NLRP4: variants seen among roughly 807,000 people sequenced by gnomAD.
NLRP4 encodes NACHT, LRR and PYD domains-containing protein 4.
Under a neutral mutation model 84.7 loss-of-function variants are expected in NLRP4, and 44 were observed. The observed-to-expected ratio is 0.52, with a 90% confidence interval of 0.41 to 0.67. NLRP4 has a LOEUF of 0.67. Ranked by LOEUF, NLRP4 falls within the 30% of genes least tolerant of loss-of-function variation. The pLI, the probability that NLRP4 is intolerant of heterozygous loss-of-function variation, is 0.00. For synonymous variants in NLRP4, 544 were observed against 476.4 expected (o/e 1.14, Z -1.85); for missense variants, 1,260 against 1,219.4 (o/e 1.03, Z -0.50).
At chr19:55,838,232 G>A (rs1195564537) in intron 1 of NLRP4, among the ~76,000 whole-genome samples, 1 of 151,742 alleles carries the variant, frequency 6.6e-6, no homozygotes. Context: ...AACCTGGGAG[G>A]CAGAGGTTGC....
In NLRP4 at chr19:55,858,723, C is replaced by T. The variant is rs200534448; in HGVS notation, c.1330C>T (p.Arg444Cys). The T allele has an allele frequency of 2.6e-5, 42 of 1,613,946 alleles. No individual in the cohort carries two copies. The highest frequency in any genetic ancestry group is 4.5e-5 in the East Asian group (2 of 44,880). Residue 444 changes from arginine (R) to cysteine (C), a missense_variant, in exon 3 of 10, where the codon CGT becomes TGT. Arg to Cys is a radical substitution (Grantham distance 180, BLOSUM62 -3). Around this residue, in one of 3 missense-constraint regions of NLRP4, gnomAD observed 712 missense variants for 669.2 expected, o/e 1.06. Coordinates refer to ENST00000301295, the MANE Select transcript of NLRP4 (RefSeq NM_134444.5). This position sits in a 1 kb window ranked among gnomAD's most constrained non-coding sequence, Gnocchi z 4.2. ...GTKILLKYGE[R>C]ESSYVFLHVC... The stretch of plus-strand genomic sequence containing the variant: ...CAAGATACTTCTGAAGTACGGGGAG[C>T]GTGAGAGCTCCTACGTGTTCCTCCA...
chr19:55,870,856 G>C lies in NLRP4; in HGVS notation c.2384G>C (p.Cys795Ser), dbSNP rs1243017434. The C allele has an allele frequency of 1.2e-6, 2 of 1,614,022 alleles. No homozygotes were observed. The highest frequency in any genetic ancestry group is 1.3e-5 in the African/African-American group (1 of 74,934). Residue 795 changes from cysteine (C) to serine (S), a missense_variant, in exon 7 of 10, where the codon TGC becomes TCC. Cys to Ser is a moderately radical substitution (Grantham distance 112). Coordinates refer to ENST00000301295, the MANE Select transcript of NLRP4 (RefSeq NM_134444.5). ...GCTTTCTGCCACCTCAGCGAGCAGT[G>C]CTGCGAATACATCTCTGAAATGCTT... ...MLAFCHLSEQ[C>S]CEYISEMLLR... is the part of the protein sequence containing the mutation.
chr19:55,859,906 GAC>G (rs1984657467), intron 3 of NLRP4, among the ~76,000 whole-genome samples: 1 of 111,136 alleles, frequency 9.0e-6, no homozygotes, highest in Non-Finnish European at 1.7e-5. Flanking sequence ...CAGGCTGGGT[GAC>G]AGTGAGACTC....
At chr19:55,876,927 G>A (rs531348019) in intron 7 of NLRP4, 69 bp from the exon 8 acceptor site, 18 of 1,310,158 alleles carry the variant, frequency 1.4e-5, no homozygotes, top group South Asian at 5.8e-5. Flanking sequence ...TCGTGCTTTG[G>A]TGTCTCTTTT....
intron 1 of NLRP4, among the ~76,000 whole-genome samples, chr19:55,845,072 A>T (rs1273202927): frequency 2.0e-5 from 3 of 151,920 alleles, no homozygotes; most frequent in South Asian, 2.1e-4. Flanking sequence ...CATGTGCACA[A>T]CGTGCAGGTT....
At chr19:55,853,158 G>A (rs141737315) in intron 2 of NLRP4, among the ~76,000 whole-genome samples, 2 of 152,304 alleles carry the variant, frequency 1.3e-5, no homozygotes, top group East Asian at 3.9e-4. Flanking sequence ...TTGCACATTT[G>A]CGTTATCAAT....
Position 55,862,170 on chromosome 19 carries a change from GTTTA to G in NLRP4, c.2186+14_2186+17del, listed in dbSNP as rs1423043038. The G allele has an allele frequency of 1.3e-6, 2 of 1,598,710 alleles. No homozygotes were observed. The highest frequency in any genetic ancestry group is 3.4e-5 in the Admixed American group (2 of 58,930). ...CGTCAAAGAGCTAGCGTAAGTCTCC[GTTTA>G]TTGAGACCACTGATTGGGTTTCAGA... On this transcript the variant is annotated intron_variant, in intron 5 of 9. Coordinates refer to ENST00000301295, the MANE Select transcript of NLRP4 (RefSeq NM_134444.5).
At chr19:55,860,377 C>T (rs1419092967) in intron 3 of NLRP4, among the ~76,000 whole-genome samples, 1 of 152,168 alleles carries the variant, frequency 6.6e-6, no homozygotes, top group Non-Finnish European at 1.5e-5. Context: ...GGGGCTAAGA[C>T]CAGCCTGGGA....
chr19:55,837,629 C>A (rs758193116), intron 1 of NLRP4, among the ~76,000 whole-genome samples: 1 of 152,028 alleles, frequency 6.6e-6, no homozygotes, highest in Non-Finnish European at 1.5e-5. Flanking sequence ...CACACAAAGT[C>A]CTAACCCCTT....
chr19:55,857,738 T>C lies in NLRP4; in HGVS notation c.345T>C (p.Ser115=), dbSNP rs1480432859. ...TCAGCCGCTTATGGTCCAGCAAGTC[T>C]GTCACTGAGATTCACCTATACTTTG... ...QKFSRLWSSK[S]VTEIHLYFEE... is the part of the protein sequence containing the mutation. The change falls in exon 3 of 10, where the codon TCT becomes TCC. Residue 115 remains serine, a synonymous_variant. Transcript: ENST00000301295. 6.2e-7 allele frequency: 1 copy of C among 1,613,870 alleles called. No individual in the cohort carries two copies. The highest frequency in any genetic ancestry group is 8.5e-7 in the Non-Finnish European group (1 of 1,179,752).
chr19:55,877,127 G>A lies in NLRP4; in HGVS notation c.2657G>A (p.Arg886Gln), dbSNP rs757456098. ...GATGTGGGTGTGCAGCTGTTGTGTC[G>A]GGCTCTGACGCATACGGATTGCCGC... Reference protein sequence around the residue: ...IGDVGVQLLCRALTHTDCRLE... With the variant: ...IGDVGVQLLCQALTHTDCRLE... The change falls in exon 8 of 10, where the codon CGG becomes CAG. Residue 886 changes from arginine (R) to glutamine (Q), a missense_variant. Coordinates refer to ENST00000301295, the MANE Select transcript of NLRP4 (RefSeq NM_134444.5). 8.1e-6 allele frequency: 13 copies of A among 1,613,888 alleles called. No individual in the cohort carries two copies. Among genetic ancestry groups the A allele is most frequent in the East Asian group, 4.5e-5 (2 of 44,890 alleles).
At chr19:55,842,801 C>G (rs922721986) in intron 1 of NLRP4, among the ~76,000 whole-genome samples, 1 of 151,646 alleles carries the variant, frequency 6.6e-6, no homozygotes, top group Non-Finnish European at 1.5e-5. Flanking sequence ...GCTCTGTCAC[C>G]CAGGCTGGAG....
At position 55,881,620 on chromosome 19, in the gene NLRP4, T is replaced by C; in HGVS notation, c.*33T>C. 1 of 1,027,362 alleles carries C rather than the reference T, an allele frequency of 9.7e-7. No homozygotes were observed. The highest frequency in any genetic ancestry group is 2.4e-5 in the East Asian group (1 of 42,124). The allele number at this position is 1,027,362 out of a possible 1,614,324, so 63.6% of individuals were successfully genotyped here. A position where few individuals can be genotyped will look rare whatever the true frequency, so the allele number is the denominator to read the frequency against. On this transcript the variant is annotated 3_prime_UTR_variant, in exon 10 of 10. Transcript: ENST00000301295. ...GAACCTGGGCTCTGACTCGAACACC[T>C]GCAAAGGACAGGGACTGGGACCGTT...
At chr19:55,837,935 C>G (rs140263018) in intron 1 of NLRP4, among the ~76,000 whole-genome samples, 2,761 of 151,532 alleles carry the variant, frequency 0.018, 88 homozygotes, top group African/African-American at 0.064. Context: ...ACTCAGGAGG[C>G]TGAGGCAGGA....
intron 3 of NLRP4, among the ~76,000 whole-genome samples, chr19:55,859,951 A>AC (rs1568666251): frequency 3.5e-4 from 26 of 74,512 alleles, no homozygotes; most frequent in Non-Finnish European, 7.2e-4. Context: ...AAAAAAAAAA[A>AC]ACAAAACACA....
At chr19:55,873,535 T>A (rs894879609) in intron 7 of NLRP4, among the ~76,000 whole-genome samples, 5 of 152,186 alleles carry the variant, frequency 3.3e-5, no homozygotes, top group African/African-American at 1.2e-4. Context: ...TATAAGTTAC[T>A]TATTAAAACG....
At chr19:55,879,104 A>C in intron 9 of NLRP4, 140 bp downstream of exon 9, 1 of 632,928 alleles carries the variant, frequency 1.6e-6, no homozygotes, top group South Asian at 2.1e-5. Flanking sequence ...AGTAAGAACC[A>C]AGCAGGTGAG....
chr19:55,870,067 C>T (rs538992302), intron 6 of NLRP4, among the ~76,000 whole-genome samples: 1 of 151,554 alleles, frequency 6.6e-6, no homozygotes, highest in Admixed American at 6.6e-5. Context: ...CACTGCACTC[C>T]AGCCTAGGTG....
intron 8 of NLRP4, among the ~76,000 whole-genome samples, chr19:55,878,229 T>C (rs1343392770): frequency 1.3e-5 from 2 of 151,958 alleles, no homozygotes; most frequent in African/African-American, 4.8e-5. Context: ...ATCATGCCAC[T>C]GCACTTCAGC....
Sources: gnomAD v4.1 joint callset for allele counts (sites outside exome capture counted in the v4.1 genomes callset) on GRCh38, gnomAD v4.1.1 for gene constraint, gnomAD v4.1.1 regional missense constraint, Gnocchi (gnomAD v3.1) non-coding constraint, MANE v1.5 for transcripts, NCBI Gene and HGNC (gene_info 2026-07-23, HGNC 2026-07-21) for gene names.